PDE4D: variants seen among roughly 807,000 people sequenced by gnomAD.
The protein encoded by PDE4D is phosphodiesterase 4D.
PDE4D carries 24 observed loss-of-function variants against 87.4 expected under a neutral mutation model. That is an observed-to-expected ratio of 0.27 (90% CI 0.20 to 0.39). PDE4D has a LOEUF of 0.39. Ranked by LOEUF, PDE4D falls within the 10% of genes least tolerant of loss-of-function variation. PDE4D has a pLI of 1.00. For synonymous variants in PDE4D, 384 were observed against 383.2 expected (o/e 1.00, Z -0.02); for missense variants, 714 against 1,041.0 (o/e 0.69, Z 4.32).
chr5:60,296,507 CACTT>C (rs1361337486), intron 1 of PDE4D, among the ~76,000 whole-genome samples: 1 of 152,182 alleles, frequency 6.6e-6, no homozygotes, highest in African/African-American at 2.4e-5. Flanking sequence ...TATCCACACA[CACTT>C]TCTTTCTAAT....
At chr5:59,896,476 CAGGA>C (rs1751670816), upstream of PDE4D, among the ~76,000 whole-genome samples, 1 of 152,084 alleles carries the variant, frequency 6.6e-6, no homozygotes, top group African/African-American at 2.4e-5. Flanking sequence ...CTCCATGAAG[CAGGA>C]TAGGGCTTGA....
intron 1 of PDE4D, among the ~76,000 whole-genome samples, chr5:59,541,382 GAATAT>G (rs1435967847): frequency 3.9e-5 from 6 of 152,120 alleles, no homozygotes; most frequent in South Asian, 2.1e-4. Context: ...TATCTTTTTA[GAATAT>G]AACAACCTCT....
intron 1 of PDE4D, among the ~76,000 whole-genome samples, chr5:59,231,353 T>C (rs1255608837): frequency 6.6e-6 from 1 of 152,162 alleles, no homozygotes; most frequent in African/African-American, 2.4e-5. Context: ...TGCAATTAGA[T>C]TTGGCCAAGT....
At chr5:60,081,274 CT>C (rs1331372840) in intron 2 of PDE4D, among the ~76,000 whole-genome samples, 2 of 149,654 alleles carry the variant, frequency 1.3e-5, no homozygotes, top group African/African-American at 4.9e-5. Context: ...TCTTCTCTCT[CT>C]TCTTCTTTAT....
chr5:59,612,817 T>C (rs77843905), intron 1 of PDE4D, among the ~76,000 whole-genome samples: 7,054 of 152,172 alleles, frequency 0.046, 223 homozygotes, highest in Middle Eastern at 0.095. Flanking sequence ...CTTGAGAACA[T>C]GAAGTACCTG....
chr5:59,692,309 T>C (rs1027216499), intron 1 of PDE4D, among the ~76,000 whole-genome samples: 2 of 152,148 alleles, frequency 1.3e-5, no homozygotes, highest in Admixed American at 6.6e-5. Context: ...TTTGTTCATG[T>C]AATTTGTGCT....
In PDE4D at chr5:58,989,301, A is replaced by G. The variant is rs777693394; in HGVS notation, c.1452+454T>C. On this transcript the variant is annotated intron_variant, in intron 10 of 14. Transcript: ENST00000340635. ...AAAATATATTTCTTAAGAAAATCAA[A>G]TTGCTTTAGTAAACAACTAATGAAA... is the stretch of plus-strand genomic sequence containing the variant. 2.6e-5 allele frequency among the ~76,000 whole-genome samples: 4 copies of G among 152,214 alleles called. No homozygotes were observed. In the East Asian group the frequency reaches 7.7e-4, roughly 29 times the overall value.
chr5:60,302,139 T>C lies in PDE4D; in HGVS notation c.-89-116452A>G, dbSNP rs369220980. On this transcript the variant is annotated intron_variant, in intron 1 of 16. Transcript: ENST00000502484. The stretch of plus-strand genomic sequence containing the variant: ...GGATATTGGCCTGAAGTTTTCTTTT[T>C]TTGTTATATCTCTGCCAGGTTTTGG... 5.0e-4 allele frequency among the ~76,000 whole-genome samples: 76 copies of C among 152,290 alleles called. No individual in the cohort carries two copies. In the Middle Eastern group the frequency reaches 0.01, roughly 20 times the overall value.
intron 1 of PDE4D, among the ~76,000 whole-genome samples, chr5:59,696,140 T>G (rs1478730900): frequency 6.6e-6 from 1 of 152,182 alleles, no homozygotes. Flanking sequence ...TTACATGTAT[T>G]ATGCATTCCA....
At chr5:60,238,267 C>G (rs1746654659) in intron 1 of PDE4D, among the ~76,000 whole-genome samples, 1 of 151,836 alleles carries the variant, frequency 6.6e-6, no homozygotes, top group South Asian at 2.1e-4. Context: ...GCTGTAAGTC[C>G]ATTGCACAAA....
intron 2 of PDE4D, chr5:60,147,789 G>A (rs1177025091): frequency 1.1e-5 from 5 of 455,884 alleles, no homozygotes; most frequent in Non-Finnish European, 2.2e-5. Context: ...ACTGTTGGCT[G>A]GAGGCCTCCA....
rs2153522390 is a variant in PDE4D at position 59,240,912 on chromosome 5, T to C, written c.456-24944A>G. On this transcript the variant is annotated intron_variant, in intron 1 of 14. Coordinates refer to ENST00000340635, the MANE Select transcript of PDE4D (RefSeq NM_001104631.2). ...CTAAAATAATGACCCTACTGCTATT[T>C]AGTTTTGTGACCTTCTTCAAGTCAT... Among the ~76,000 whole-genome samples, 2 of 152,292 alleles carry C rather than the reference T, an allele frequency of 1.3e-5. 1 individual carries two copies. Among genetic ancestry groups the C allele is most frequent in the South Asian group, 4.1e-4 (2 of 4,828 alleles).
intron 2 of PDE4D, among the ~76,000 whole-genome samples, chr5:60,087,161 G>T (rs946735648): frequency 1.3e-5 from 2 of 152,208 alleles, no homozygotes; most frequent in African/African-American, 4.8e-5. Context: ...CAACAAGTTA[G>T]TTCCAGCAAA....
At chr5:60,298,405 G>A (rs558763380) in intron 1 of PDE4D, among the ~76,000 whole-genome samples, 12 of 152,108 alleles carry the variant, frequency 7.9e-5, no homozygotes, top group Non-Finnish European at 1.6e-4. Flanking sequence ...TCAAATGAAT[G>A]TATTCCTCTG....
chr5:60,047,044 A>C (rs1769361625), intron 2 of PDE4D, among the ~76,000 whole-genome samples: 1 of 152,050 alleles, frequency 6.6e-6, no homozygotes, highest in South Asian at 2.1e-4. Flanking sequence ...TCAATTTCAG[A>C]GCCTGTTATT....
intron 1 of PDE4D, among the ~76,000 whole-genome samples, chr5:59,372,207 G>A (rs1279301906): frequency 2.0e-5 from 3 of 152,108 alleles, no homozygotes; most frequent in East Asian, 1.9e-4. Flanking sequence ...AGAAGCTTAC[G>A]TGTCTCATAG....
intron 1 of PDE4D, among the ~76,000 whole-genome samples, chr5:59,355,168 C>G (rs1029082710): frequency 6.6e-6 from 1 of 152,052 alleles, no homozygotes; most frequent in Non-Finnish European, 1.5e-5. Context: ...CAGAACTTGA[C>G]CAAAGGAACC....
chr5:59,506,506 A>G (rs1433477657), intron 1 of PDE4D, among the ~76,000 whole-genome samples: 1 of 152,190 alleles, frequency 6.6e-6, no homozygotes, highest in Non-Finnish European at 1.5e-5. Flanking sequence ...GACAGGTTGG[A>G]CAAATTAAAA....
At chr5:59,029,385 C>T (rs1357278423) in intron 6 of PDE4D, among the ~76,000 whole-genome samples, 2 of 123,840 alleles carry the variant, frequency 1.6e-5, no homozygotes, top group African/African-American at 6.2e-5. Context: ...CCACTGCACT[C>T]TAGCCTGGGC....
Sources: gnomAD v4.1 joint callset for allele counts (sites outside exome capture counted in the v4.1 genomes callset) on GRCh38, gnomAD v4.1.1 for gene constraint, MANE v1.5 for transcripts, NCBI Gene and HGNC (gene_info 2026-07-23, HGNC 2026-07-21) for gene names.